Variants in ZFHX3 observed in about 807,000 individuals in gnomAD.
ZFHX3 encodes zinc finger homeobox protein 3.
ZFHX3 carries 42 observed loss-of-function variants against 279.1 expected under a neutral mutation model. That is an observed-to-expected ratio of 0.15 (90% CI 0.12 to 0.19). The LOEUF (loss-of-function observed/expected upper bound fraction) is 0.19. ZFHX3 is among the 10% of genes least tolerant of loss of function. The pLI, the probability that ZFHX3 is intolerant of heterozygous loss-of-function variation, is 1.00. For synonymous variants in ZFHX3, 2,293 were observed against 1,957.8 expected (o/e 1.17, Z -4.52); for missense variants, 4,981 against 4,754.0 (o/e 1.05, Z -1.40).
intron 8 of ZFHX3, among the ~76,000 whole-genome samples, chr16:73,072,632 A>G (rs917547124): frequency 6.6e-5 from 10 of 151,934 alleles, no homozygotes; most frequent in Non-Finnish European, 1.2e-4. Flanking sequence ...TGGCATGATC[A>G]TAACTCATTG....
chr16:73,824,497 C>G (rs1368352746), intron 1 of ZFHX3, among the ~76,000 whole-genome samples: 1 of 123,806 alleles, frequency 8.1e-6, no homozygotes, highest in African/African-American at 3.1e-5. Context: ...GTGCGCTGCA[C>G]CCACTAACGT....
chr16:73,523,855 G>T (rs908553803), intron 2 of ZFHX3, among the ~76,000 whole-genome samples: 1 of 152,020 alleles, frequency 6.6e-6, no homozygotes, highest in Non-Finnish European at 1.5e-5. Flanking sequence ...TAGAAGCAGA[G>T]GTGGTTAAAA....
At chr16:72,847,004 G>A (rs1597304695) in intron 4 of ZFHX3, among the ~76,000 whole-genome samples, 1 of 152,154 alleles carries the variant, frequency 6.6e-6, no homozygotes, top group Admixed American at 6.5e-5. Flanking sequence ...ACCAAGACTG[G>A]GGTGAAGGAC....
At chr16:73,122,593 G>T (rs1966513482) in intron 7 of ZFHX3, among the ~76,000 whole-genome samples, 1 of 152,132 alleles carries the variant, frequency 6.6e-6, no homozygotes, top group Non-Finnish European at 1.5e-5. Context: ...CCACCACGGG[G>T]TGCAGTGACC....
At chr16:72,957,393 T>C in intron 2 of ZFHX3, 34 bp downstream of exon 2, 2 of 1,561,010 alleles carry the variant, frequency 1.3e-6, no homozygotes, top group Non-Finnish European at 8.7e-7. Context: ...TAAACTCCTA[T>C]CATGAAAACA....
At chr16:72,849,922 T>C (rs1031125009) in intron 4 of ZFHX3, among the ~76,000 whole-genome samples, 7 of 134,230 alleles carry the variant, frequency 5.2e-5, no homozygotes, top group Admixed American at 1.6e-4. Flanking sequence ...CACCTACCCT[T>C]CCATCTGAAA....
At chr16:72,994,004 CCGA>C (rs1567623237) in intron 1 of ZFHX3, among the ~76,000 whole-genome samples, 2 of 152,122 alleles carry the variant, frequency 1.3e-5, no homozygotes, top group African/African-American at 4.8e-5. Flanking sequence ...AACTCCAGCC[CCGA>C]CGACAGATTT....
exon 1 of ZFHX3, chr16:73,058,558 C>T: frequency 4.9e-6 from 1 of 203,200 alleles, no homozygotes; most frequent in Non-Finnish European, 9.6e-6. Context: ...GCGGCGGCTG[C>T]AGCGGCGCTG....
Position 73,515,380 on chromosome 16 carries a change from T to C in ZFHX3, c.-1546-59122A>G, listed in dbSNP as rs1489670104. On this transcript the variant is annotated intron_variant, in intron 2 of 17. Transcript: ENST00000641206. ...CCCTTAGTCACAAAGATGGTGCCAA[T>C]GTGGTAGGGCTTAAACTAGGATGGA... is the stretch of plus-strand genomic sequence containing the variant. Among the ~76,000 whole-genome samples, 4 of 151,782 alleles carry C rather than the reference T, an allele frequency of 2.6e-5. No homozygotes were observed. In the East Asian group the frequency reaches 7.8e-4, roughly 29 times the overall value.
At chr16:73,182,988 T>G (rs950396742) in intron 5 of ZFHX3, among the ~76,000 whole-genome samples, 4 of 152,140 alleles carry the variant, frequency 2.6e-5, no homozygotes, top group Admixed American at 2.6e-4. Context: ...GTGGATCACC[T>G]CAGGTCAGGA....
intron 5 of ZFHX3, among the ~76,000 whole-genome samples, chr16:73,243,006 C>A (rs975275046): frequency 6.6e-6 from 1 of 152,156 alleles, no homozygotes; most frequent in African/African-American, 2.4e-5. Flanking sequence ...TGGGTCCTGA[C>A]AGTGAAAAGG....
intron 1 of ZFHX3, among the ~76,000 whole-genome samples, chr16:73,714,458 C>A (rs1320919020): frequency 6.6e-6 from 1 of 152,112 alleles, no homozygotes; most frequent in Non-Finnish European, 1.5e-5. Flanking sequence ...GGAGTCCTAG[C>A]AGCATGGTAG....
chr16:73,151,041 G>A (rs1243257265), intron 5 of ZFHX3, among the ~76,000 whole-genome samples: 1 of 152,140 alleles, frequency 6.6e-6, no homozygotes, highest in African/African-American at 2.4e-5. Flanking sequence ...CCATGTAGAA[G>A]AACCTTGAAA....
At chr16:72,947,173 T>TA (rs1960724450) in intron 3 of ZFHX3, among the ~76,000 whole-genome samples, 1 of 152,190 alleles carries the variant, frequency 6.6e-6, no homozygotes, top group African/African-American at 2.4e-5. Context: ...AGAGACAAGG[T>TA]AAGGGGGCTT....
At chr16:73,680,545 A>T (rs2052999468) in intron 1 of ZFHX3, among the ~76,000 whole-genome samples, 1 of 152,220 alleles carries the variant, frequency 6.6e-6, no homozygotes, top group African/African-American at 2.4e-5. Flanking sequence ...TACATTTTTA[A>T]TATTAACCGG....
At chr16:72,911,973 T>C (rs1026556215) in intron 3 of ZFHX3, among the ~76,000 whole-genome samples, 6 of 152,260 alleles carry the variant, frequency 3.9e-5, no homozygotes, top group South Asian at 4.1e-4. Context: ...CCCGGTAATG[T>C]AGACGCTGTC....
chr16:73,463,434 A>G (rs1307957911), intron 2 of ZFHX3, among the ~76,000 whole-genome samples: 1 of 152,216 alleles, frequency 6.6e-6, no homozygotes, highest in Non-Finnish European at 1.5e-5. Context: ...TTCTCTCAGA[A>G]GACCAGAGCC....
In ZFHX3 at chr16:73,410,576, A is replaced by T. The variant is rs979258361; in HGVS notation, c.-1291+45427T>A. 3.0e-4 allele frequency among the ~76,000 whole-genome samples: 46 copies of T among 152,168 alleles called. 1 individual carries two copies. Among genetic ancestry groups the T allele is most frequent in the Non-Finnish European group, 1.3e-4 (9 of 68,032 alleles). On this transcript the variant is annotated intron_variant, in intron 3 of 17. Transcript: ENST00000641206. ...ATAAAAGTGTCTTATGTACCCCAAAAATATATATATAACTACTGTGTATCC... is the reference window on the plus strand; with the variant it reads ...ATAAAAGTGTCTTATGTACCCCAAATATATATATATAACTACTGTGTATCC...
chr16:73,093,226 C>T (rs183310897), intron 8 of ZFHX3: 40 of 518,076 alleles, frequency 7.7e-5, no homozygotes, highest in East Asian at 3.3e-4. Flanking sequence ...GGGAATGATC[C>T]GGTCCTACCT....
Sources: allele counts gnomAD v4.1 joint callset (sites outside exome capture counted in the v4.1 genomes callset), GRCh38; gene constraint gnomAD v4.1.1; transcripts MANE v1.5; gene names NCBI Gene and HGNC (gene_info 2026-07-23, HGNC 2026-07-21).